ITIH2: variants seen among roughly 807,000 people sequenced by gnomAD.
ITIH2 encodes the protein inter-alpha-trypsin inhibitor heavy chain 2, also known as inter-alpha-trypsin inhibitor heavy chain H2.
ITIH2 carries 103 observed loss-of-function variants against 104.4 expected under a neutral mutation model. That is an observed-to-expected ratio of 0.99 (90% CI 0.84 to 1.16). The LOEUF (loss-of-function observed/expected upper bound fraction) is 1.16, where lower values mean the gene tolerates loss of function less well. Ranked by LOEUF, ITIH2 falls within the 50% of genes most tolerant of loss-of-function variation. ITIH2 has a pLI of 0.00. For synonymous variants in ITIH2, 436 were observed against 435.4 expected (o/e 1.00, Z -0.02); for missense variants, 1,108 against 1,162.4 (o/e 0.95, Z 0.68).
At position 7,721,714 on chromosome 10, in the gene ITIH2, G is replaced by A. The variant is rs752326969; in HGVS notation, c.804G>A (p.Ala268=). The A allele has an allele frequency of 9.3e-6, 15 of 1,613,838 alleles. No homozygotes were observed. Among genetic ancestry groups the A allele is most frequent in the Admixed American group, 6.7e-5 (4 of 59,998 alleles). ...TATGCCCTAACTGCCGGGAGACTGC[G>A]GTAGATGGGGAACTGGTGGTGCTGT... ...QRICPNCRET[A]VDGELVVLYD... is the part of the protein sequence containing the mutation. Residue 268 remains alanine, a synonymous_variant, in exon 8 of 21, where the codon GCG becomes GCA. Transcript: ENST00000358415.
chr10:7,705,320 C>T (rs552149719), intron 2 of ITIH2, 138 bp downstream of exon 2: 5 of 672,554 alleles, frequency 7.4e-6, no homozygotes, highest in South Asian at 7.3e-5. Context: ...ACTTCTTACA[C>T]CTTGGTGGAA....
chr10:7,717,499 G>A (rs914094212), intron 5 of ITIH2, 127 bp from the exon 6 acceptor site: 11 of 784,158 alleles, frequency 1.4e-5, no homozygotes, highest in Admixed American at 8.3e-5. Flanking sequence ...TGTACCTACT[G>A]TTCACTTTCA....
chr10:7,707,544 T>C (rs1834759008), intron 3 of ITIH2, among the ~76,000 whole-genome samples: 1 of 152,104 alleles, frequency 6.6e-6, no homozygotes, highest in Non-Finnish European at 1.5e-5. Flanking sequence ...TTGATTTATG[T>C]ATTTATTTTT....
chr10:7,730,019 C>T lies in ITIH2; in HGVS notation c.1347C>T (p.Phe449=). The T allele has an allele frequency of 1.2e-6, 2 of 1,612,722 alleles. No individual in the cohort carries two copies. Among genetic ancestry groups the T allele is most frequent in the African/African-American group, 1.3e-5 (1 of 75,008 alleles). Residue 449 remains phenylalanine, a synonymous_variant, in exon 12 of 21, where the codon TTC becomes TTT. Coordinates refer to ENST00000358415, the MANE Select transcript of ITIH2 (RefSeq NM_002216.3). ...KENIQDNISL[F]SLGMGFDVDY... ...ACATCCAAGACAATATCTCCTTGTT[C>T]AGTTTGGGCATGGGATTTGATGTGG...
At position 7,731,975 on chromosome 10, in the gene ITIH2, G is replaced by A; in HGVS notation, c.1626G>A (p.Glu542=). Residue 542 remains glutamate (E), a synonymous_variant, in exon 13 of 21, where the codon GAG becomes GAA. Coordinates refer to ENST00000358415, the MANE Select transcript of ITIH2 (RefSeq NM_002216.3). ...KFDPAKLDQI[E]SVITATSANT... The stretch of plus-strand genomic sequence containing the variant: ...ACCCTGCTAAATTGGATCAAATAGA[G>A]AGCGTTATCACGGCGACTTCGGTAC... 2 of 1,613,790 alleles carry A rather than the reference G, an allele frequency of 1.2e-6. No individual in the cohort carries two copies. Among genetic ancestry groups the A allele is most frequent in the Non-Finnish European group, 1.7e-6 (2 of 1,179,808 alleles).
At chr10:7,703,749 G>T (rs116875558) in intron 1 of ITIH2, among the ~76,000 whole-genome samples, 2,736 of 152,304 alleles carry the variant, frequency 0.018, 31 homozygotes, top group Non-Finnish European at 0.029. Context: ...GCATCAGAGC[G>T]TAGCATTTAT....
At position 7,749,169 on chromosome 10, in the gene ITIH2, T is replaced by C; in HGVS notation, c.2694-18T>C. On this transcript the variant is annotated intron_variant, in intron 20 of 20. Coordinates refer to ENST00000358415, the MANE Select transcript of ITIH2 (RefSeq NM_002216.3). ...GGTGCTCAGTCTCCCCCTAACCACA[T>C]GCCTTGCTTCCTTGCAGGGGCTTAC... 6.2e-7 allele frequency: 1 copy of C among 1,613,838 alleles called. No homozygotes were observed. The highest frequency in any genetic ancestry group is 8.5e-7 in the Non-Finnish European group (1 of 1,179,802).
chr10:7,740,431 C>A (rs763238644), intron 16 of ITIH2, among the ~76,000 whole-genome samples: 58 of 152,236 alleles, frequency 3.8e-4, no homozygotes, highest in Admixed American at 1.0e-3. Flanking sequence ...GGAATCCGTG[C>A]GTAAGTTGAT....
At chr10:7,739,541 A>C (rs1471754945) in intron 16 of ITIH2, among the ~76,000 whole-genome samples, 1 of 152,124 alleles carries the variant, frequency 6.6e-6, no homozygotes, top group Non-Finnish European at 1.5e-5. Context: ...TGCCTAGCAC[A>C]TACCAAATAC....
rs752193025 is a variant in ITIH2, at chr10:7,738,613, C to T, written c.1958-8C>T. On this transcript the variant is annotated splice_region_variant and splice_polypyrimidine_tract_variant and intron_variant, in intron 15 of 20. Transcript: ENST00000358415. ...TAGAAACTAACAGATGCAGGTTTGT[C>T]TACGCAGGGGCCCTGTATTACGGCA... is the stretch of plus-strand genomic sequence containing the variant. 1 of 1,612,786 alleles carries T rather than the reference C, an allele frequency of 6.2e-7. No individual in the cohort carries two copies. Among genetic ancestry groups the T allele is most frequent in the Non-Finnish European group, 8.5e-7 (1 of 1,179,348 alleles).
intron 2 of ITIH2, among the ~76,000 whole-genome samples, chr10:7,706,317 A>G (rs1834746830): frequency 6.6e-6 from 1 of 152,138 alleles, no homozygotes; most frequent in African/African-American, 2.4e-5. Flanking sequence ...CTTATATCCA[A>G]CACCCGACTT....
In ITIH2 at chr10:7,703,396, C is replaced by T. The variant is rs753143542; in HGVS notation, c.-39C>T. ...AGGAAGAAGTGATATCCTCCCCAGA[C>T]CATCTGCTTTGGGGAGCTTGGCAAA... On this transcript the variant is annotated 5_prime_UTR_variant, in exon 1 of 21. Transcript: ENST00000358415. The T allele has an allele frequency of 1.5e-6, 2 of 1,379,164 alleles. No individual in the cohort carries two copies. The highest frequency in any genetic ancestry group is 4.6e-5 in the East Asian group (2 of 43,786). The allele number at this position is 1,379,164 out of a possible 1,614,324, so 85.4% of individuals were successfully genotyped here.
chr10:7,709,343 C>T (rs1208125667), intron 4 of ITIH2, 152 bp downstream of exon 4: 5 of 674,606 alleles, frequency 7.4e-6, no homozygotes, highest in Non-Finnish European at 1.3e-5. Context: ...ATAATTTTCT[C>T]CTCTTCAAAG....
intron 4 of ITIH2, among the ~76,000 whole-genome samples, chr10:7,711,979 A>C (rs1834800100): frequency 6.6e-6 from 1 of 152,172 alleles, no homozygotes; most frequent in South Asian, 2.1e-4. Context: ...AGGTGTATAG[A>C]GATGAGATGC....
At chr10:7,740,111 G>A (rs1252810810) in intron 16 of ITIH2, among the ~76,000 whole-genome samples, 1 of 151,906 alleles carries the variant, frequency 6.6e-6, no homozygotes, top group Non-Finnish European at 1.5e-5. Context: ...GCTTGCACCT[G>A]GGAGGCGGAG....
At chr10:7,718,909 A>G (rs1834876223) in intron 6 of ITIH2, among the ~76,000 whole-genome samples, 1 of 152,170 alleles carries the variant, frequency 6.6e-6, no homozygotes, top group Non-Finnish European at 1.5e-5. Flanking sequence ...CTGCATTACT[A>G]TCCATCTGAA....
At chr10:7,738,816 G>A in intron 16 of ITIH2, 58 bp downstream of exon 16, 1 of 1,507,558 alleles carries the variant, frequency 6.6e-7, no homozygotes, top group Non-Finnish European at 8.9e-7. Context: ...ATCCTGGGAA[G>A]CATTGTGTGC....
chr10:7,707,164 T>C, intron 2 of ITIH2, 37 bp from the exon 3 acceptor site: 5 of 1,526,700 alleles, frequency 3.3e-6, no homozygotes, highest in South Asian at 1.2e-5. Context: ...ATAAGTGACA[T>C]ACAGTTGAAG....
At chr10:7,733,431 G>A (rs1835023262) in intron 14 of ITIH2, among the ~76,000 whole-genome samples, 1 of 152,210 alleles carries the variant, frequency 6.6e-6, no homozygotes, top group East Asian at 1.9e-4. Flanking sequence ...CTTGTCCAAA[G>A]AGAAATTGAT....
Sources: allele counts gnomAD v4.1 joint callset (sites outside exome capture counted in the v4.1 genomes callset), GRCh38; gene constraint gnomAD v4.1.1; transcripts MANE v1.5; gene names NCBI Gene and HGNC (gene_info 2026-07-23, HGNC 2026-07-21).